Variants in MYLK observed in about 807,000 individuals in gnomAD.
MYLK encodes myosin light chain kinase, smooth muscle.
Under a neutral mutation model 203.4 loss-of-function variants are expected in MYLK, and 106 were observed. That is an observed-to-expected ratio of 0.52 (90% CI 0.45 to 0.61). The LOEUF (loss-of-function observed/expected upper bound fraction) is 0.61, where lower values mean the gene tolerates loss of function less well. Among genes scored for constraint, MYLK ranks in the 20% least tolerant of loss-of-function variants. The probability of loss-of-function intolerance (pLI) is 0.00; values close to 1 mark genes in which losing one functional copy is unlikely to be tolerated. For synonymous variants in MYLK, 867 were observed against 959.5 expected (o/e 0.90, Z 1.78); for missense variants, 2,072 against 2,442.3 (o/e 0.85, Z 3.20).
chr3:123,843,822 T>A (rs575434639), intron 2 of MYLK, among the ~76,000 whole-genome samples: 51 of 152,160 alleles, frequency 3.4e-4, no homozygotes, highest in African/African-American at 1.2e-3. Flanking sequence ...TCTGACATGG[T>A]GTTTTCTGTT....
At chr3:123,659,976 C>G (rs1183233508) in intron 23 of MYLK, among the ~76,000 whole-genome samples, 3 of 152,224 alleles carry the variant, frequency 2.0e-5, no homozygotes, top group Non-Finnish European at 4.4e-5. Context: ...ACTAGAGTAA[C>G]TGCTCTTGAG....
intron 3 of MYLK, among the ~76,000 whole-genome samples, chr3:123,805,339 T>C (rs2065331815): frequency 6.6e-6 from 1 of 152,146 alleles, no homozygotes; most frequent in African/African-American, 2.4e-5. Flanking sequence ...ATTAAGGATT[T>C]CTAGTTTTAC....
intron 2 of MYLK, among the ~76,000 whole-genome samples, chr3:123,846,725 C>T (rs966956235): frequency 6.6e-6 from 1 of 152,148 alleles, no homozygotes; most frequent in Non-Finnish European, 1.5e-5. Context: ...AGAACTGGCA[C>T]CTTTATAATG....
At chr3:123,712,566 C>T (rs1172409065) in intron 13 of MYLK, among the ~76,000 whole-genome samples, 1 of 152,218 alleles carries the variant, frequency 6.6e-6, no homozygotes, top group Non-Finnish European at 1.5e-5. Context: ...AGCCAAGTCA[C>T]CCTGTGGGTC....
At chr3:123,789,673 A>G (rs1329840140) in intron 4 of MYLK, among the ~76,000 whole-genome samples, 4 of 150,850 alleles carry the variant, frequency 2.7e-5, no homozygotes, top group Non-Finnish European at 5.9e-5. Context: ...AAAAAAAAAA[A>G]AAAAAGAAGG....
In MYLK at chr3:123,816,869, C is replaced by T. The variant is rs188219680; in HGVS notation, c.-4+14679G>A. 2.3e-3 allele frequency among the ~76,000 whole-genome samples: 352 copies of T among 152,208 alleles called. 2 individuals are homozygous for T. Among genetic ancestry groups the T allele is most frequent in the Non-Finnish European group, 3.9e-3 (263 of 68,020 alleles). On this transcript the variant is annotated intron_variant, in intron 3 of 33. Transcript: ENST00000360304. ...TCATTTCCGGTGCCACAGAAAGCTTCGGAATTTAAGAAGTCTGAAGGAGGG... is the reference window on the plus strand; with the variant it reads ...TCATTTCCGGTGCCACAGAAAGCTTTGGAATTTAAGAAGTCTGAAGGAGGG...
chr3:123,851,228 G>A (rs1201961070), intron 2 of MYLK, among the ~76,000 whole-genome samples: 8 of 152,248 alleles, frequency 5.3e-5, no homozygotes, highest in African/African-American at 1.7e-4. Context: ...GGCAATGTGG[G>A]CTCTTTTTTG....
chr3:123,827,104 C>T (rs555453990), intron 3 of MYLK, among the ~76,000 whole-genome samples: 13 of 151,976 alleles, frequency 8.6e-5, no homozygotes, highest in South Asian at 2.1e-4. Context: ...AAAAACAATT[C>T]GAAATAATAA....
intron 4 of MYLK, among the ~76,000 whole-genome samples, chr3:123,789,948 A>G (rs1272702337): frequency 6.6e-6 from 1 of 152,188 alleles, no homozygotes; most frequent in Non-Finnish European, 1.5e-5. Context: ...AGGAGACACT[A>G]TCTCCACATG....
intron 18 of MYLK, 117 bp from the exon 19 acceptor site, chr3:123,692,968 A>G: frequency 1.2e-6 from 1 of 867,800 alleles, no homozygotes; most frequent in Non-Finnish European, 1.9e-6. Flanking sequence ...CAGAAGCCAG[A>G]GGCCTTGTGG....
intron 4 of MYLK, among the ~76,000 whole-genome samples, chr3:123,762,317 C>T (rs563462482): frequency 1.3e-5 from 2 of 152,108 alleles, no homozygotes; most frequent in Non-Finnish European, 2.9e-5. Context: ...CAACCTCTAC[C>T]TCCCATGCTC....
intron 4 of MYLK, among the ~76,000 whole-genome samples, chr3:123,757,352 G>A (rs1295362205): frequency 6.6e-6 from 1 of 152,160 alleles, no homozygotes; most frequent in African/African-American, 2.4e-5. Flanking sequence ...CAGAAAGGGG[G>A]TGATTGTGCT....
intron 2 of MYLK, among the ~76,000 whole-genome samples, chr3:123,860,911 A>C (rs2031835197): frequency 6.6e-6 from 1 of 152,144 alleles, no homozygotes; most frequent in African/African-American, 2.4e-5. Context: ...AGGGAGGATC[A>C]CGAAGTCAGG....
intron 4 of MYLK, among the ~76,000 whole-genome samples, chr3:123,785,176 C>G (rs2064464347): frequency 6.6e-6 from 1 of 152,210 alleles, no homozygotes; most frequent in Admixed American, 6.5e-5. Context: ...AATCTCTCAT[C>G]CACTAATGTC....
At chr3:123,775,253 G>A (rs1408039363) in intron 4 of MYLK, among the ~76,000 whole-genome samples, 2 of 152,052 alleles carry the variant, frequency 1.3e-5, no homozygotes, top group Non-Finnish European at 2.9e-5. Context: ...TGGTGGTCTC[G>A]AACTGCTGGC....
chr3:123,808,460 AT>A (rs1187427946), intron 3 of MYLK, among the ~76,000 whole-genome samples: 1 of 152,190 alleles, frequency 6.6e-6, no homozygotes, highest in African/African-American at 2.4e-5. Flanking sequence ...AAGCATTTTT[AT>A]ATTACAACCA....
At chr3:123,840,125 C>G (rs2066556771) in intron 2 of MYLK, among the ~76,000 whole-genome samples, 2 of 151,926 alleles carry the variant, frequency 1.3e-5, no homozygotes, top group Admixed American at 6.6e-5. Context: ...TCTAAGCTTC[C>G]ACTTTAGGAT....
intron 3 of MYLK, among the ~76,000 whole-genome samples, chr3:123,813,668 G>A (rs1035475336): frequency 2.6e-5 from 4 of 152,134 alleles, no homozygotes; most frequent in Admixed American, 1.3e-4. Context: ...GTGCGACCAC[G>A]CCTGACTAAT....
At chr3:123,644,757 A>C (rs1421051009) in intron 27 of MYLK, among the ~76,000 whole-genome samples, 1 of 152,252 alleles carries the variant, frequency 6.6e-6, no homozygotes, top group Non-Finnish European at 1.5e-5. Flanking sequence ...ATGAGGTCAC[A>C]GATGTGGGCT....
Sources: gnomAD v4.1 joint callset for allele counts (sites outside exome capture counted in the v4.1 genomes callset) on GRCh38, gnomAD v4.1.1 for gene constraint, MANE v1.5 for transcripts, NCBI Gene and HGNC (gene_info 2026-07-23, HGNC 2026-07-21) for gene names.